Variants in ECE1 observed in about 807,000 individuals in gnomAD.
ECE1 encodes the protein endothelin-converting enzyme 1.
In ECE1, 35 loss-of-function variants were observed where a neutral mutation model predicts 98.6. The ratio of observed to expected loss-of-function variants is 0.35; its 90% CI spans 0.27 to 0.47. ECE1 has a LOEUF of 0.47. Ranked by LOEUF, ECE1 falls within the 20% of genes least tolerant of loss-of-function variation. ECE1 has a pLI of 1.00. For synonymous variants in ECE1, 394 were observed against 407.1 expected (o/e 0.97, Z 0.39); for missense variants, 814 against 1,025.3 (o/e 0.79, Z 2.81).
chr1:21,291,712 A>C (rs559144272), upstream of ECE1, among the ~76,000 whole-genome samples: 2 of 152,276 alleles, frequency 1.3e-5, no homozygotes, highest in East Asian at 3.9e-4. Context: ...CTGTAATCCT[A>C]GCTACTCAGG....
rs370628322 is a variant in ECE1, at chr1:21,330,258, CAG to C, written c.3+15116_3+15117del. Among the ~76,000 whole-genome samples the C allele has an allele frequency of 2.1e-3, 166 of 77,526 alleles. 4 individuals carry two copies. The highest frequency in any genetic ancestry group is 6.9e-3 in the African/African-American group (147 of 21,258). 50.9% of individuals were successfully genotyped at this position (77,526 alleles called of 152,430 possible). The stretch of plus-strand genomic sequence containing the variant: ...TTTTTTTTTTTTTTTTTTTTTGAGA[CAG>C]AGTCTCCCTCTGCCACCCAGGCTGG... On this transcript the variant is annotated intron_variant, in intron 1 of 18. Coordinates refer to the ECE1 transcript ENST00000415912.
At chr1:21,277,121 C>T (rs1005867321) in intron 3 of ECE1, among the ~76,000 whole-genome samples, 1 of 152,144 alleles carries the variant, frequency 6.6e-6, no homozygotes, top group Admixed American at 6.5e-5. Context: ...TCACTGCTTT[C>T]CCAGGTGGCT....
rs554500180 is a variant in ECE1, at chr1:21,327,937, G to A, written c.3+17439C>T. ...TGTGCATTCCTATGAGAATCTATGA[G>A]AATCTAACTAAGGTGATGAATCTAA... On this transcript the variant is annotated intron_variant, in intron 1 of 18. Coordinates refer to the ECE1 transcript ENST00000415912. The surrounding 1 kb of genome is among the most constrained non-coding windows in gnomAD (Gnocchi z 4.6). 3.3e-5 allele frequency among the ~76,000 whole-genome samples: 5 copies of A among 152,342 alleles called. No individual in the cohort carries two copies. In the South Asian group the frequency reaches 1.0e-3, roughly 32 times the overall value.
At chr1:21,309,833 C>T (rs1040555991) in intron 1 of ECE1, among the ~76,000 whole-genome samples, 2 of 150,472 alleles carry the variant, frequency 1.3e-5, no homozygotes, top group African/African-American at 2.4e-5. Flanking sequence ...GCTCTGTCGC[C>T]CAGGCTAGAG....
At chr1:21,273,343 G>A (rs1308664735) in intron 3 of ECE1, among the ~76,000 whole-genome samples, 1 of 92,086 alleles carries the variant, frequency 1.1e-5, no homozygotes, top group Non-Finnish European at 2.0e-5. Flanking sequence ...CCGTGCGTGT[G>A]TGCGTGTGTG....
chr1:21,305,298 G>T (rs1338004831), intron 1 of ECE1, among the ~76,000 whole-genome samples: 1 of 152,192 alleles, frequency 6.6e-6, no homozygotes, highest in Non-Finnish European at 1.5e-5. Flanking sequence ...CCTGGGCAAG[G>T]CAGGCACCAT....
rs536811230 is a variant in ECE1 at position 21,249,299 on chromosome 1, C to T, written c.1021-1936G>A. Among the ~76,000 whole-genome samples, 31 of 151,662 alleles carry T rather than the reference C, an allele frequency of 2.0e-4. No homozygotes were observed. In the East Asian group the frequency reaches 5.1e-3, roughly 25 times the overall value. ...CAGAGGTTACAGTGAGCCAAGATCA[C>T]GCCACTGCACTCCAGCCTGGGCAAC... is the stretch of plus-strand genomic sequence containing the variant. On this transcript the variant is annotated intron_variant, in intron 8 of 18. Transcript: ENST00000374893.
intron 1 of ECE1, among the ~76,000 whole-genome samples, chr1:21,336,096 A>T (rs541239330): frequency 6.6e-6 from 1 of 152,334 alleles, no homozygotes; most frequent in Non-Finnish European, 1.5e-5. Context: ...TTCAAAAAAC[A>T]CTTGAGACAG....
Position 21,307,829 on chromosome 1 carries a change from G to A in ECE1, c.4-17673C>T, listed in dbSNP as rs3026843. On this transcript the variant is annotated intron_variant, in intron 1 of 18. Coordinates refer to the ECE1 transcript ENST00000415912. This position sits in a 1 kb window ranked among gnomAD's most constrained non-coding sequence, Gnocchi z 4.2. ...TGGCCAGGCACAGGAAAGAGGCCCT[G>A]CCCCCTTGAGAGGGAGGCCCTGCCC... Among the ~76,000 whole-genome samples the A allele has an allele frequency of 0.042, 6,436 of 152,148 alleles. 165 individuals are homozygous for A. Among genetic ancestry groups the A allele is most frequent in the South Asian group, 0.071 (343 of 4,816 alleles).
intron 1 of ECE1, chr1:21,299,569 G>T (rs2103375704): frequency 6.6e-6 from 1 of 152,408 alleles, no homozygotes; most frequent in Admixed American, 6.5e-5. Flanking sequence ...TCAGCAAGTA[G>T]CATCCCTCTT....
At chr1:21,231,618 C>T (rs998584776) in intron 14 of ECE1, among the ~76,000 whole-genome samples, 1 of 151,980 alleles carries the variant, frequency 6.6e-6, no homozygotes, top group African/African-American at 2.4e-5. Flanking sequence ...CTGGGATTAC[C>T]GGTGTGAGCC....
Position 21,290,167 on chromosome 1 carries a change from A to G in ECE1, c.52-11T>C. 1.3e-6 allele frequency: 2 copies of G among 1,557,532 alleles called. No individual in the cohort carries two copies. The highest frequency in any genetic ancestry group is 1.7e-6 in the Non-Finnish European group (2 of 1,154,580). On this transcript the variant is annotated splice_polypyrimidine_tract_variant and intron_variant, in intron 1 of 18. Coordinates refer to ENST00000374893, the MANE Select transcript of ECE1 (RefSeq NM_001397.3). This position sits in a 1 kb window ranked among gnomAD's most constrained non-coding sequence, Gnocchi z 7.3. ...CTTGTACGTCGACATCTGCAAGGCC[A>G]AATGCAGCACGGACTCCCTCAGCGC...
Position 21,319,416 on chromosome 1 carries a change from CATG to C in ECE1, c.3+25957_3+25959del, listed in dbSNP as rs1638913529. Among the ~76,000 whole-genome samples the C allele has an allele frequency of 6.6e-6, 1 of 152,176 alleles. No individual in the cohort carries two copies. The highest frequency in any genetic ancestry group is 1.9e-4 in the East Asian group (1 of 5,196). ...GGACTACGCAGGGCTTTTCTAGAGACATGATAAGACCTCGTGTCTAAATGGCCT... is the reference window on the plus strand; with the variant it reads ...GGACTACGCAGGGCTTTTCTAGAGACATAAGACCTCGTGTCTAAATGGCCT... On this transcript the variant is annotated intron_variant, in intron 1 of 18. Coordinates refer to the ECE1 transcript ENST00000415912. This position sits in a 1 kb window ranked among gnomAD's most constrained non-coding sequence, Gnocchi z 4.4.
chr1:21,343,212 G>A (rs991353346), intron 1 of ECE1, among the ~76,000 whole-genome samples: 10 of 152,218 alleles, frequency 6.6e-5, no homozygotes, highest in African/African-American at 1.9e-4. Flanking sequence ...CAGTGCAGAC[G>A]TTTATGGCCT....
intron 1 of ECE1, among the ~76,000 whole-genome samples, chr1:21,305,171 G>C (rs942652866): frequency 6.6e-6 from 1 of 152,138 alleles, no homozygotes; most frequent in African/African-American, 2.4e-5. Context: ...CCACACATAG[G>C]CTCGACAGCA....
chr1:21,292,340 T>C (rs1194515310), upstream of ECE1, among the ~76,000 whole-genome samples: 4 of 149,520 alleles, frequency 2.7e-5, no homozygotes, highest in Admixed American at 2.0e-4. Flanking sequence ...CCTCAGTTTC[T>C]ACAAGTTTCT....
intron 8 of ECE1, 107 bp from the exon 9 acceptor site, chr1:21,247,470 G>A (rs1360189515): frequency 7.1e-6 from 11 of 1,541,988 alleles, no homozygotes; most frequent in African/African-American, 1.4e-5. Flanking sequence ...TGGGCTTGGC[G>A]CCATCTGACA....
chr1:21,284,204 G>A (rs534284489), intron 2 of ECE1, among the ~76,000 whole-genome samples: 1 of 152,334 alleles, frequency 6.6e-6, no homozygotes, highest in Non-Finnish European at 1.5e-5. Flanking sequence ...ACAGCATGGG[G>A]AGATGTGACT....
At chr1:21,317,418 A>G (rs1327747992) in intron 1 of ECE1, among the ~76,000 whole-genome samples, 1 of 152,240 alleles carries the variant, frequency 6.6e-6, no homozygotes, top group African/African-American at 2.4e-5. Flanking sequence ...GGGGAAGGCC[A>G]GCTCGCAGGC....
Sources: gnomAD v4.1 joint callset for allele counts (sites outside exome capture counted in the v4.1 genomes callset) on GRCh38, gnomAD v4.1.1 for gene constraint, Gnocchi (gnomAD v3.1) non-coding constraint, MANE v1.5 for transcripts, NCBI Gene and HGNC (gene_info 2026-07-23, HGNC 2026-07-21) for gene names.